The following TBC1D5 variants were observed in gnomAD, a reference collection of about 807,000 sequenced individuals.
The protein encoded by TBC1D5 is TBC1 domain family member 5.
In TBC1D5, 75 loss-of-function variants were observed where a neutral mutation model predicts 100.3. The ratio of observed to expected loss-of-function variants is 0.75; its 90% CI spans 0.62 to 0.91. The LOEUF (loss-of-function observed/expected upper bound fraction) is 0.91. Ranked by LOEUF, TBC1D5 falls within the 40% of genes least tolerant of loss-of-function variation. The pLI is 0.00. For missense variants in TBC1D5, 910 were observed against 942.4 expected, an observed-to-expected ratio of 0.97 and a Z score of 0.45; for synonymous variants, 323 against 325.6, an observed-to-expected ratio of 0.99 and a Z score of 0.09.
At chr3:17,550,548 C>A (rs1004370764) in intron 2 of TBC1D5, among the ~76,000 whole-genome samples, 163 of 139,418 alleles carry the variant, frequency 1.2e-3, no homozygotes, top group African/African-American at 2.4e-3. Context: ...ACAACAACAA[C>A]AAAAAAAAAA....
intron 3 of TBC1D5, among the ~76,000 whole-genome samples, chr3:17,507,984 C>G (rs1023302193): frequency 1.3e-5 from 2 of 150,064 alleles, no homozygotes; most frequent in Admixed American, 6.7e-5. Flanking sequence ...GTGTATAGAT[C>G]TTTTAAAATA....
At chr3:17,305,967 C>T (rs996716002) in intron 14 of TBC1D5, among the ~76,000 whole-genome samples, 2 of 152,186 alleles carry the variant, frequency 1.3e-5, no homozygotes, top group Non-Finnish European at 2.9e-5. Context: ...CTATCACTTA[C>T]CATAGGAAGA....
intron 18 of TBC1D5, among the ~76,000 whole-genome samples, chr3:17,198,367 G>A (rs1441680946): frequency 1.3e-5 from 2 of 152,164 alleles, no homozygotes; most frequent in Non-Finnish European, 2.9e-5. Context: ...GGAAGTCTTG[G>A]TGAGTAGCTG....
At chr3:17,235,522 T>G (rs1408302879) in intron 17 of TBC1D5, among the ~76,000 whole-genome samples, 3 of 152,230 alleles carry the variant, frequency 2.0e-5, no homozygotes, top group African/African-American at 7.2e-5. Context: ...GACCAGGTGA[T>G]ATGCTTGCAG....
chr3:17,611,232 T>C (rs960007323), intron 2 of TBC1D5, among the ~76,000 whole-genome samples: 4 of 152,186 alleles, frequency 2.6e-5, no homozygotes, highest in African/African-American at 9.7e-5. Context: ...GACTTTGACA[T>C]CTCAAAGTGA....
intron 13 of TBC1D5, among the ~76,000 whole-genome samples, chr3:17,316,179 C>T (rs1422286377): frequency 2.0e-5 from 3 of 152,120 alleles, no homozygotes; most frequent in Non-Finnish European, 4.4e-5. Flanking sequence ...GGCTTCTCAG[C>T]CTATGCCTGT....
intron 2 of TBC1D5, among the ~76,000 whole-genome samples, chr3:17,527,345 A>G (rs2096151092): frequency 6.6e-6 from 1 of 152,200 alleles, no homozygotes; most frequent in African/African-American, 2.4e-5. Context: ...GCAGAAGACC[A>G]TAAAGTGGGA....
At chr3:17,330,672 A>G (rs936165295) in intron 13 of TBC1D5, among the ~76,000 whole-genome samples, 1 of 152,134 alleles carries the variant, frequency 6.6e-6, no homozygotes, top group South Asian at 2.1e-4. Flanking sequence ...CCCTTGCTTA[A>G]CCATTTATCT....
rs368761706 is a variant in TBC1D5 at position 17,167,614 on chromosome 3, G to A, written c.1932+135C>T. On this transcript the variant is annotated intron_variant, in intron 20 of 21. Coordinates refer to ENST00000253692, the Ensembl canonical transcript of TBC1D5. ...AGCGGGGGCACAAAGAGGTGGTGAT[G>A]CAGAAGGGGCTCTGTCTGGGAGGAA... 20 of 720,552 alleles carry A rather than the reference G, an allele frequency of 2.8e-5. No homozygotes were observed. In the South Asian group the frequency reaches 2.9e-4, roughly 10 times the overall value. 44.6% of individuals were successfully genotyped at this position (720,552 alleles called of 1,614,324 possible). A position where few individuals can be genotyped will look rare whatever the true frequency, so the allele number is the denominator to read the frequency against.
chr3:17,375,626 T>A (rs2092678721), intron 10 of TBC1D5, among the ~76,000 whole-genome samples: 1 of 151,324 alleles, frequency 6.6e-6, no homozygotes, highest in African/African-American at 2.4e-5. Flanking sequence ...AATTTTAGAA[T>A]AACTGAAGTG....
chr3:17,207,537 G>A (rs1357699294), intron 18 of TBC1D5, among the ~76,000 whole-genome samples: 2 of 152,102 alleles, frequency 1.3e-5, no homozygotes. Context: ...AGGCTTAATT[G>A]TTACCTCTTT....
At chr3:17,274,769 A>T (rs1428558431) in intron 15 of TBC1D5, among the ~76,000 whole-genome samples, 1 of 152,218 alleles carries the variant, frequency 6.6e-6, no homozygotes, top group African/African-American at 2.4e-5. Flanking sequence ...AAAAGAGACA[A>T]TTGATGAATA....
At chr3:17,537,637 CACA>C (rs1560111635) in intron 2 of TBC1D5, among the ~76,000 whole-genome samples, 5 of 152,174 alleles carry the variant, frequency 3.3e-5, no homozygotes, top group Admixed American at 6.5e-5. Context: ...CTCTAATAAT[CACA>C]TATAAGTGGA....
At chr3:17,730,380 T>G (rs902022355) in intron 1 of TBC1D5, among the ~76,000 whole-genome samples, 1 of 152,206 alleles carries the variant, frequency 6.6e-6, no homozygotes, top group Non-Finnish European at 1.5e-5. Context: ...AGCCTAGCCT[T>G]TAAGGGGACT....
intron 3 of TBC1D5, among the ~76,000 whole-genome samples, chr3:17,488,983 C>G (rs2095604946): frequency 6.6e-6 from 1 of 150,850 alleles, no homozygotes; most frequent in Non-Finnish European, 1.5e-5. Flanking sequence ...TGATGTGGAA[C>G]AGTTTCATTC....
In TBC1D5 at chr3:17,350,505, T is replaced by C. The variant is rs562162235; in HGVS notation, c.995+21570A>G. Among the ~76,000 whole-genome samples, 5 of 152,308 alleles carry C rather than the reference T, an allele frequency of 3.3e-5. No homozygotes were observed. In the South Asian group the frequency reaches 1.0e-3, roughly 32 times the overall value. On this transcript the variant is annotated intron_variant, in intron 13 of 21. Transcript: ENST00000253692. Reference sequence around the variant, plus strand: ...ACCAGAGACATAAGCTCAGAATTGATTGAATGTGTACTACCTGCATGTAAT... The same window carrying C: ...ACCAGAGACATAAGCTCAGAATTGACTGAATGTGTACTACCTGCATGTAAT...
intron 3 of TBC1D5, among the ~76,000 whole-genome samples, chr3:17,467,560 A>C (rs1177848618): frequency 6.6e-6 from 1 of 152,040 alleles, no homozygotes; most frequent in African/African-American, 2.4e-5. Context: ...CAAAAAAGTT[A>C]CATTTACTCA....
intron 3 of TBC1D5, among the ~76,000 whole-genome samples, chr3:17,495,805 C>T (rs2095699672): frequency 6.6e-6 from 1 of 152,126 alleles, no homozygotes; most frequent in South Asian, 2.1e-4. Flanking sequence ...AATTCTGCAC[C>T]ATTACATTCC....
chr3:17,539,283 C>T (rs2096323093), intron 2 of TBC1D5, among the ~76,000 whole-genome samples: 1 of 152,108 alleles, frequency 6.6e-6, no homozygotes, highest in South Asian at 2.1e-4. Flanking sequence ...GCAGATGAAG[C>T]CTCCAGGTAG....
Sources: allele counts gnomAD v4.1 joint callset (sites outside exome capture counted in the v4.1 genomes callset), GRCh38; gene constraint gnomAD v4.1.1; transcripts MANE v1.5; gene names NCBI Gene and HGNC (gene_info 2026-07-23, HGNC 2026-07-21).